Variants in RABGAP1 observed in about 807,000 individuals in gnomAD.
RABGAP1 encodes the protein rab GTPase-activating protein 1.
A neutral mutation model predicts 137.6 loss-of-function variants in RABGAP1; 23 were observed. The ratio of observed to expected loss-of-function variants is 0.17; its 90% CI spans 0.12 to 0.24. The LOEUF is 0.24. Among genes scored for constraint, RABGAP1 ranks in the 10% least tolerant of loss-of-function variants. The pLI is 1.00. For synonymous variants in RABGAP1, 451 were observed against 450.7 expected (o/e 1.00, Z -0.01); for missense variants, 906 against 1,275.8 (o/e 0.71, Z 4.42).
chr9:123,089,645 T>C (rs1189938587), intron 19 of RABGAP1, 113 bp from the exon 20 acceptor site: 12 of 760,880 alleles, frequency 1.6e-5, no homozygotes, highest in Admixed American at 2.6e-5. Context: ...AAATACCACA[T>C]CCATAATGAC....
rs983852835 is a variant in RABGAP1, at chr9:123,103,379, C to T, written c.*166C>T. The T allele has an allele frequency of 5.7e-6, 6 of 1,056,558 alleles. No individual in the cohort carries two copies. The highest frequency in any genetic ancestry group is 6.7e-6 in the Non-Finnish European group (5 of 750,862). 65.4% of individuals were successfully genotyped at this position (1,056,558 alleles called of 1,614,324 possible). ...GGACCAGAGCTTGTGAAGCAGGCAACCTCTGGGGTAAGACTACTGATACTA... is the reference window on the plus strand; with the variant it reads ...GGACCAGAGCTTGTGAAGCAGGCAATCTCTGGGGTAAGACTACTGATACTA... On this transcript the variant is annotated 3_prime_UTR_variant, in exon 26 of 26. Coordinates refer to ENST00000373647, the MANE Select transcript of RABGAP1 (RefSeq NM_012197.4).
At position 122,990,128 on chromosome 9, in the gene RABGAP1, G is replaced by A. The variant is rs199950459; in HGVS notation, c.838G>A (p.Ala280Thr). The A allele has an allele frequency of 1.2e-4, 191 of 1,611,056 alleles. 3 individuals carry two copies. In the East Asian group the frequency reaches 1.3e-3, roughly 11 times the overall value. ...CAAGCAGACCCCACTTTCAGCCACT[G>A]CTGCACCCCAGACTCCTGACAGTGA... ...SAKQTPLSAT[A>T]APQTPDSDIF... The change falls in exon 6 of 26, where the codon GCT becomes ACT. Residue 280 changes from alanine to threonine, a missense_variant. This residue lies in a region of RABGAP1 where 331 missense variants were observed against 358.3 expected (regional missense o/e 0.92). Transcript: ENST00000373647.
intron 2 of RABGAP1, among the ~76,000 whole-genome samples, chr9:122,981,051 C>G (rs1390510749): frequency 6.6e-6 from 1 of 150,534 alleles, no homozygotes; most frequent in Non-Finnish European, 1.5e-5. Context: ...TGTTGTTGTT[C>G]TTGTTTGATA....
the RABGAP1 span, among the ~76,000 whole-genome samples, chr9:122,934,151 C>T: frequency 1.4e-5 from 2 of 140,008 alleles, no homozygotes; most frequent in African/African-American, 3.3e-5. Flanking sequence ...GATCTCGGCT[C>T]ACTGCAAGCT....
chr9:122,945,147 C>CTTCTTTTTTTTTTTTTTTTTTTT (rs1833872459), intron 1 of RABGAP1, among the ~76,000 whole-genome samples: 1 of 75,772 alleles, frequency 1.3e-5, no homozygotes, highest in Non-Finnish European at 2.9e-5. Context: ...ATAGCTGTTG[C>CTTCTTTTTTTTTTTTTTTTTTTT]TTTTTTTTTT....
At chr9:123,086,662 T>C (rs2034876355) in intron 19 of RABGAP1, among the ~76,000 whole-genome samples, 1 of 151,670 alleles carries the variant, frequency 6.6e-6, no homozygotes, top group Non-Finnish European at 1.5e-5. Flanking sequence ...GGTGTTTTTA[T>C]TGATTTTGTG....
intron 9 of RABGAP1, 85 bp downstream of exon 9, chr9:122,997,446 C>T: frequency 3.7e-6 from 3 of 819,164 alleles, no homozygotes; most frequent in Non-Finnish European, 5.4e-6. Flanking sequence ...TGACCAATAT[C>T]CAGTGTTTAC....
intron 2 of RABGAP1, among the ~76,000 whole-genome samples, chr9:122,984,001 A>G (rs538441826): frequency 2.6e-5 from 4 of 152,370 alleles, no homozygotes; most frequent in African/African-American, 9.6e-5. Context: ...CAGAAATACA[A>G]GAGACTTGCA....
intron 13 of RABGAP1, among the ~76,000 whole-genome samples, chr9:123,064,037 C>T (rs1359227811): frequency 6.6e-6 from 1 of 152,160 alleles, no homozygotes; most frequent in African/African-American, 2.4e-5. Context: ...CTCTCTCACT[C>T]GCTCTCACTC....
intron 13 of RABGAP1, among the ~76,000 whole-genome samples, chr9:123,047,952 T>TGCCCAGGC (rs2033289701): frequency 8.9e-6 from 1 of 112,832 alleles, no homozygotes; most frequent in South Asian, 2.6e-4. Flanking sequence ...TTTTTTTTTT[T>TGCCCAGGC]TTTGAGACGG....
chr9:123,097,925 T>G, intron 22 of RABGAP1, 80 bp downstream of exon 22: 2 of 1,167,882 alleles, frequency 1.7e-6, no homozygotes, highest in Non-Finnish European at 2.4e-6. Context: ...CTGTTGGCAC[T>G]AGAAAACCTA....
chr9:123,046,046 TTC>T (rs2033192580), intron 13 of RABGAP1, among the ~76,000 whole-genome samples: 1 of 152,236 alleles, frequency 6.6e-6, no homozygotes, highest in African/African-American at 2.4e-5. Context: ...GTGTGCTTCC[TTC>T]TCTCAGGGAT....
intron 13 of RABGAP1, 130 bp downstream of exon 13, chr9:123,020,589 C>A (rs2031563726): frequency 3.1e-6 from 3 of 962,002 alleles, no homozygotes; most frequent in Admixed American, 8.1e-5. Flanking sequence ...GTTAATACTT[C>A]CAGCTCTAAC....
At chr9:122,938,903 A>C (rs968399910), upstream of RABGAP1, 2 of 152,210 alleles carry the variant, frequency 1.3e-5, no homozygotes, top group Admixed American at 6.5e-5. Flanking sequence ...AACATTTTGC[A>C]CTTCAAGTGG....
intron 13 of RABGAP1, chr9:123,035,517 C>G: frequency 4.3e-6 from 7 of 1,614,026 alleles, no homozygotes; most frequent in Non-Finnish European, 5.9e-6. Flanking sequence ...GACTAAAGCG[C>G]CTCTCAGGGG....
At chr9:123,043,070 A>G (rs1251773380) in intron 13 of RABGAP1, among the ~76,000 whole-genome samples, 2 of 152,146 alleles carry the variant, frequency 1.3e-5, no homozygotes, top group Non-Finnish European at 2.9e-5. Flanking sequence ...TTATGCCCAA[A>G]CTGTCATTCA....
intron 13 of RABGAP1, among the ~76,000 whole-genome samples, chr9:123,039,583 C>A (rs1467463225): frequency 3.9e-5 from 6 of 152,134 alleles, no homozygotes; most frequent in South Asian, 2.1e-4. Flanking sequence ...TAAATAATAT[C>A]TCTTTTTGGT....
chr9:123,098,282 G>T (rs1429240866), intron 22 of RABGAP1, among the ~76,000 whole-genome samples: 1 of 152,192 alleles, frequency 6.6e-6, no homozygotes, highest in African/African-American at 2.4e-5. Flanking sequence ...TGTGCGCCTG[G>T]GAGCAGTCCC....
intron 12 of RABGAP1, among the ~76,000 whole-genome samples, chr9:123,016,370 GGTGACGCACACCT>G (rs1311032687): frequency 1.3e-5 from 2 of 152,042 alleles, no homozygotes; most frequent in African/African-American, 2.4e-5. Context: ...AACTGGGCGT[GGTGACGCACACCT>G]GTGGTTCCAG....
Sources: gnomAD v4.1 joint callset for allele counts (sites outside exome capture counted in the v4.1 genomes callset) on GRCh38, gnomAD v4.1.1 for gene constraint, gnomAD v4.1.1 regional missense constraint, MANE v1.5 for transcripts, NCBI Gene and HGNC (gene_info 2026-07-23, HGNC 2026-07-21) for gene names.